Variants in ITGA8 observed in about 807,000 individuals in gnomAD.
ITGA8 encodes the protein integrin alpha-8.
ITGA8 carries 91 observed loss-of-function variants against 142.3 expected under a neutral mutation model. The ratio of observed to expected loss-of-function variants is 0.64; its 90% CI spans 0.54 to 0.76. The LOEUF (loss-of-function observed/expected upper bound fraction) is 0.76. Ranked by LOEUF, ITGA8 falls within the 30% of genes least tolerant of loss-of-function variation. The pLI, the probability that ITGA8 is intolerant of heterozygous loss-of-function variation, is 0.00. For synonymous variants in ITGA8, 505 were observed against 485.2 expected, an observed-to-expected ratio of 1.04 and a Z score of -0.54; for missense variants, 1,406 against 1,327.7, an observed-to-expected ratio of 1.06 and a Z score of -0.92.
At chr10:15,673,170 G>A (rs1834561826) in intron 6 of ITGA8, among the ~76,000 whole-genome samples, 1 of 152,136 alleles carries the variant, frequency 6.6e-6, no homozygotes, top group Admixed American at 6.6e-5. Flanking sequence ...TGCAACCTCT[G>A]TCTCCCGGGT....
chr10:15,566,799 G>A (rs1233036964), intron 25 of ITGA8, among the ~76,000 whole-genome samples: 2 of 100,172 alleles, frequency 2.0e-5, no homozygotes, highest in African/African-American at 7.6e-5. Flanking sequence ...GCAACAGAGT[G>A]AGACCTTGTC....
At chr10:15,675,690 A>C (rs2131692526) in intron 6 of ITGA8, among the ~76,000 whole-genome samples, 1 of 152,244 alleles carries the variant, frequency 6.6e-6, no homozygotes, top group Non-Finnish European at 1.5e-5. Flanking sequence ...CCATGCTTAA[A>C]CTCACTTCAT....
chr10:15,627,288 A>C (rs1416089517), intron 13 of ITGA8, among the ~76,000 whole-genome samples: 1 of 151,906 alleles, frequency 6.6e-6, no homozygotes, highest in Non-Finnish European at 1.5e-5. Context: ...AAGTTTCTGC[A>C]ATTAGTATGC....
intron 25 of ITGA8, among the ~76,000 whole-genome samples, chr10:15,559,631 C>A (rs116590988): frequency 6.6e-6 from 1 of 152,038 alleles, no homozygotes; most frequent in Non-Finnish European, 1.5e-5. Context: ...GGGTGAAGAC[C>A]TTTATGCACT....
chr10:15,540,630 C>T (rs17137373), intron 27 of ITGA8, among the ~76,000 whole-genome samples: 16 of 152,222 alleles, frequency 1.1e-4, no homozygotes, highest in East Asian at 9.7e-4. Context: ...AGCCAAATGT[C>T]GTAACAAACA....
intron 15 of ITGA8, among the ~76,000 whole-genome samples, chr10:15,611,226 A>G (rs561708930): frequency 2.4e-4 from 36 of 152,334 alleles, no homozygotes; most frequent in African/African-American, 7.9e-4. Flanking sequence ...AAAGAAACAC[A>G]TTCTAGACTG....
At chr10:15,564,064 T>C (rs768987570) in intron 25 of ITGA8, among the ~76,000 whole-genome samples, 1 of 152,146 alleles carries the variant, frequency 6.6e-6, no homozygotes, top group Non-Finnish European at 1.5e-5. Flanking sequence ...GGTCTCTCAA[T>C]AAAACACAGG....
chr10:15,527,741 T>A (rs185663146), intron 28 of ITGA8, among the ~76,000 whole-genome samples: 107 of 152,150 alleles, frequency 7.0e-4, no homozygotes, highest in African/African-American at 2.1e-3. Context: ...ACAAACAAAC[T>A]AATCATCACA....
intron 13 of ITGA8, among the ~76,000 whole-genome samples, chr10:15,632,839 G>A (rs150056388): frequency 5.9e-5 from 9 of 152,072 alleles, no homozygotes; most frequent in Non-Finnish European, 1.0e-4. Flanking sequence ...CTCTTGAGAC[G>A]TGTGCACAGC....
chr10:15,612,066 G>A (rs1441674180), intron 15 of ITGA8, among the ~76,000 whole-genome samples: 1 of 152,118 alleles, frequency 6.6e-6, no homozygotes, highest in African/African-American at 2.4e-5. Flanking sequence ...GCAGGGGTAA[G>A]GATAAACGCT....
At chr10:15,589,534 G>A (rs1193870725) in intron 22 of ITGA8, among the ~76,000 whole-genome samples, 1 of 152,126 alleles carries the variant, frequency 6.6e-6, no homozygotes, top group African/African-American at 2.4e-5. Context: ...TGTGGAAAAG[G>A]GATTCATTAA....
intron 26 of ITGA8, among the ~76,000 whole-genome samples, chr10:15,550,660 G>A (rs1490469376): frequency 1.3e-5 from 2 of 152,188 alleles, no homozygotes; most frequent in Admixed American, 1.3e-4. Context: ...CAGGGTATAT[G>A]AGGGTGAAAT....
chr10:15,628,579 G>A (rs1206095938), intron 13 of ITGA8, among the ~76,000 whole-genome samples: 5 of 151,560 alleles, frequency 3.3e-5, no homozygotes, highest in Admixed American at 6.6e-5. Context: ...TGATCTGCTC[G>A]CCTTGGCCTC....
chr10:15,664,593 G>T (rs955980934), intron 8 of ITGA8, among the ~76,000 whole-genome samples: 2 of 151,274 alleles, frequency 1.3e-5, no homozygotes, highest in South Asian at 4.2e-4. Context: ...GTATACATGT[G>T]CCATGTTGGT....
At chr10:15,608,907 A>G (rs1833245329) in intron 15 of ITGA8, among the ~76,000 whole-genome samples, 2 of 152,090 alleles carry the variant, frequency 1.3e-5, no homozygotes, top group African/African-American at 4.8e-5. Flanking sequence ...ACCTTGCTAC[A>G]GTTGGGGTAA....
chr10:15,566,098 G>T (rs1834074340), intron 25 of ITGA8, among the ~76,000 whole-genome samples: 2 of 152,088 alleles, frequency 1.3e-5, no homozygotes, highest in Non-Finnish European at 2.9e-5. Context: ...CTGTCTGCGG[G>T]CCCACTCATT....
intron 2 of ITGA8, among the ~76,000 whole-genome samples, chr10:15,706,489 G>A (rs1448108299): frequency 1.3e-5 from 2 of 152,096 alleles, no homozygotes; most frequent in African/African-American, 2.4e-5. Flanking sequence ...CTGTCAGGCT[G>A]GAGTGCAGTG....
intron 2 of ITGA8, among the ~76,000 whole-genome samples, chr10:15,716,625 T>G (rs904188034): frequency 2.6e-5 from 4 of 152,058 alleles, no homozygotes; most frequent in African/African-American, 9.7e-5. Flanking sequence ...ATTCAAGGCT[T>G]CAAGCAATTG....
chr10:15,699,523 A>C (rs920122440), intron 2 of ITGA8, among the ~76,000 whole-genome samples: 3 of 152,198 alleles, frequency 2.0e-5, no homozygotes, highest in African/African-American at 7.2e-5. Context: ...ACTCCTGTAT[A>C]GCATTGCATC....
Sources: allele counts gnomAD v4.1 joint callset (sites outside exome capture counted in the v4.1 genomes callset), GRCh38; gene constraint gnomAD v4.1.1; transcripts MANE v1.5; gene names NCBI Gene and HGNC (gene_info 2026-07-23, HGNC 2026-07-21).